GORASP2: variants seen among roughly 807,000 people sequenced by gnomAD.
The protein encoded by GORASP2 is Golgi reassembly-stacking protein 2.
GORASP2 carries 22 observed loss-of-function variants against 45.7 expected under a neutral mutation model. The ratio of observed to expected loss-of-function variants is 0.48; its 90% CI spans 0.34 to 0.69. The LOEUF (loss-of-function observed/expected upper bound fraction) is 0.69. Among genes scored for constraint, GORASP2 ranks in the 30% least tolerant of loss-of-function variants. GORASP2 has a pLI of 0.01. For synonymous variants in GORASP2, 221 were observed against 215.6 expected (o/e 1.02, Z -0.22); for missense variants, 491 against 562.7 (o/e 0.87, Z 1.29).
At position 170,932,227 on chromosome 2, in the gene GORASP2, C is replaced by CA. The variant is rs565934814; in HGVS notation, c.63+2834dup. Among the ~76,000 whole-genome samples, 116 of 147,596 alleles carry CA rather than the reference C, an allele frequency of 7.9e-4. 1 individual carries two copies. In the East Asian group the frequency reaches 9.8e-3, roughly 12 times the overall value. On this transcript the variant is annotated intron_variant, in intron 1 of 9. Coordinates refer to ENST00000234160, the MANE Select transcript of GORASP2 (RefSeq NM_015530.5). ...AGGCAAAAAGAGTGAGACTTCTTTT[C>CA]AAAAAAAAAAGAGTCTCTTCTTCTT...
intron 7 of GORASP2, 119 bp from the exon 8 acceptor site, chr2:170,961,544 G>T: frequency 1.4e-6 from 1 of 714,124 alleles, no homozygotes. Flanking sequence ...GCTGGAAATC[G>T]GGACCAAATG....
At chr2:170,931,565 A>G (rs1410368225) in intron 1 of GORASP2, among the ~76,000 whole-genome samples, 1 of 152,248 alleles carries the variant, frequency 6.6e-6, no homozygotes, top group Non-Finnish European at 1.5e-5. Context: ...TTGAATAACC[A>G]ATTCCCTGGC....
chr2:170,963,275 T>C (rs902443812), intron 9 of GORASP2, among the ~76,000 whole-genome samples: 3 of 148,804 alleles, frequency 2.0e-5, no homozygotes, highest in African/African-American at 7.5e-5. Flanking sequence ...CGCAGGAGGC[T>C]GAGACAGAAG....
chr2:170,935,968 G>T (rs1435628366), intron 1 of GORASP2, among the ~76,000 whole-genome samples: 2 of 152,092 alleles, frequency 1.3e-5, no homozygotes, highest in African/African-American at 4.8e-5. Flanking sequence ...GCTGTTAGTG[G>T]TTAATTATGG....
intron 1 of GORASP2, among the ~76,000 whole-genome samples, chr2:170,939,442 A>G (rs994222322): frequency 6.6e-6 from 1 of 152,230 alleles, no homozygotes; most frequent in Non-Finnish European, 1.5e-5. Flanking sequence ...TTGCAGACAT[A>G]GAATATAGTA....
chr2:170,956,683 G>A (rs1704434440), intron 7 of GORASP2, 124 bp downstream of exon 7: 4 of 742,090 alleles, frequency 5.4e-6, no homozygotes, highest in Non-Finnish European at 8.4e-6. Flanking sequence ...GGCCAAGGCA[G>A]GATTGCTTGA....
At chr2:170,964,887 T>C (rs1049929333) in intron 9 of GORASP2, among the ~76,000 whole-genome samples, 1 of 139,166 alleles carries the variant, frequency 7.2e-6, no homozygotes, top group Non-Finnish European at 1.5e-5. Context: ...TTCATATGCA[T>C]TTTAATTTTT....
In GORASP2 at chr2:170,964,426, G is replaced by GT. The variant is rs533924229; in HGVS notation, c.1019-1363dup. ...CCAGCACTTTGGGAAGCCAAGGTGG[G>GT]TGGATCACCTGAGGTCAGAAGTTCG... On this transcript the variant is annotated intron_variant, in intron 9 of 9. Coordinates refer to ENST00000234160, the MANE Select transcript of GORASP2 (RefSeq NM_015530.5). 3.8e-3 allele frequency among the ~76,000 whole-genome samples: 586 copies of GT among 152,336 alleles called. 8 individuals are homozygous for GT. Among genetic ancestry groups the GT allele is most frequent in the African/African-American group, 0.013 (544 of 41,576 alleles).
At chr2:170,947,536 G>C (rs756003433) in intron 1 of GORASP2, among the ~76,000 whole-genome samples, 10 of 152,106 alleles carry the variant, frequency 6.6e-5, no homozygotes, top group Non-Finnish European at 1.5e-4. Flanking sequence ...TAGCCTGTTT[G>C]GTTTTACATT....
rs561980618 is a variant in GORASP2, at chr2:170,957,822, GTTTTAGTT to G, written c.823+1267_823+1274del. On this transcript the variant is annotated intron_variant, in intron 7 of 9. Transcript: ENST00000234160. ...TGTACGCATTATCAGTTTTTCTGAAGTTTTAGTTTTTATGTTTTTGTAGGGCTGGGGTC... is the reference window on the plus strand; with the variant it reads ...TGTACGCATTATCAGTTTTTCTGAAGTTTATGTTTTTGTAGGGCTGGGGTC... 2.2e-3 allele frequency among the ~76,000 whole-genome samples: 342 copies of G among 152,094 alleles called. 3 individuals carry two copies. The highest frequency in any genetic ancestry group is 3.6e-3 in the Non-Finnish European group (246 of 67,978).
intron 7 of GORASP2, among the ~76,000 whole-genome samples, chr2:170,958,673 TTAA>T (rs1437784275): frequency 6.8e-5 from 5 of 73,766 alleles, no homozygotes; most frequent in African/African-American, 1.7e-4. Flanking sequence ...TTTTTTTTTT[TTAA>T]AAAAAAAAAA....
chr2:170,940,355 C>T (rs1704046141), intron 1 of GORASP2, among the ~76,000 whole-genome samples: 4 of 152,128 alleles, frequency 2.6e-5, no homozygotes, highest in African/African-American at 9.7e-5. Flanking sequence ...TGGGAGAATG[C>T]CCCCTGACAC....
In GORASP2 at chr2:170,948,586, T is replaced by C. The variant is rs189060681; in HGVS notation, c.144+156T>C. 48 of 555,540 alleles carry C rather than the reference T, an allele frequency of 8.6e-5. No homozygotes were observed. The East Asian group carries it at 1.4e-3, about 16-fold the overall frequency. The allele number at this position is 555,540 out of a possible 1,614,324, so 34.4% of individuals were successfully genotyped here. On this transcript the variant is annotated intron_variant, in intron 2 of 9. Transcript: ENST00000234160. ...TCATGTATTAATAAACATTGAAATA[T>C]CTATAATATTATACCTTATGCTCCA... is the stretch of plus-strand genomic sequence containing the variant.
At position 170,950,243 on chromosome 2, in the gene GORASP2, A is replaced by G; in HGVS notation, c.388A>G (p.Arg130Gly). The G allele has an allele frequency of 1.9e-6, 3 of 1,584,428 alleles. No homozygotes were observed. Among genetic ancestry groups the G allele is most frequent in the Admixed American group, 3.5e-5 (2 of 56,616 alleles). Residue 130 changes from arginine (R) to glycine (G), a missense_variant, in exon 4 of 10, where the codon AGA (arginine) becomes GGA (glycine). Physicochemically the swap from Arg to Gly is moderately radical, Grantham distance 125. Coordinates refer to ENST00000234160, the MANE Select transcript of GORASP2 (RefSeq NM_015530.5). ...SNSPAALAGLRPHSDYIIGAD... is the reference protein window; with the variant it reads ...SNSPAALAGLGPHSDYIIGAD... ...TTCTCCTGCAGCACTGGCAGGTCTT[A>G]GACCACACAGTGATTATATAATTGG... is the stretch of plus-strand genomic sequence containing the variant.
intron 7 of GORASP2, among the ~76,000 whole-genome samples, chr2:170,958,692 ACT>A (rs1417613779): frequency 8.2e-6 from 1 of 121,752 alleles, no homozygotes; most frequent in Non-Finnish European, 1.6e-5. Flanking sequence ...AAAAAAACAG[ACT>A]CTGTTGCCCA....
At chr2:170,937,208 A>C (rs555576179) in intron 1 of GORASP2, among the ~76,000 whole-genome samples, 1 of 147,092 alleles carries the variant, frequency 6.8e-6, no homozygotes, top group African/African-American at 2.5e-5. Context: ...ACTCCATCAC[A>C]AAAAAAAAAA....
intron 4 of GORASP2, among the ~76,000 whole-genome samples, chr2:170,950,610 AG>A (rs1292487501): frequency 1.4e-4 from 22 of 152,158 alleles, no homozygotes; most frequent in South Asian, 8.3e-4. Context: ...CTTTTTGTTC[AG>A]TGACAGCATT....
rs137931709 is a variant in GORASP2 at position 170,934,556 on chromosome 2, C to G, written c.63+5153C>G. On this transcript the variant is annotated intron_variant, in intron 1 of 9. Transcript: ENST00000234160. ...GATTACAGGTGTTAGCCACCACGCC[C>G]TACCTCATCCCCTAACACAGAAATC... 5.3e-5 allele frequency among the ~76,000 whole-genome samples: 8 copies of G among 152,234 alleles called. No homozygotes were observed. The East Asian group carries it at 1.4e-3, about 26-fold the overall frequency.
chr2:170,937,074 G>T (rs1305906857), intron 1 of GORASP2, among the ~76,000 whole-genome samples: 3 of 152,092 alleles, frequency 2.0e-5, no homozygotes, highest in African/African-American at 7.2e-5. Flanking sequence ...CCGGCATGAT[G>T]GCGCGTGCCT....
Sources: allele counts gnomAD v4.1 joint callset (sites outside exome capture counted in the v4.1 genomes callset), GRCh38; gene constraint gnomAD v4.1.1; transcripts MANE v1.5; gene names NCBI Gene and HGNC (gene_info 2026-07-23, HGNC 2026-07-21).